Variants in MTHFD2L observed in about 807,000 individuals in gnomAD.
The protein encoded by MTHFD2L is methylenetetrahydrofolate dehydrogenase (NADP+ dependent) 2 like.
In MTHFD2L, 29 loss-of-function variants were observed where a neutral mutation model predicts 34.9. That is an observed-to-expected ratio of 0.83 (90% CI 0.62 to 1.13). MTHFD2L has a LOEUF of 1.13. MTHFD2L is among the 50% of genes most tolerant of loss of function. MTHFD2L has a pLI of 0.00. For missense variants in MTHFD2L, 481 were observed against 446.5 expected (o/e 1.08, Z -0.70); for synonymous variants, 167 against 155.7 (o/e 1.07, Z -0.54).
At chr4:74,286,834 G>A (rs1273313488) in intron 7 of MTHFD2L, among the ~76,000 whole-genome samples, 1 of 152,074 alleles carries the variant, frequency 6.6e-6, no homozygotes, top group Non-Finnish European at 1.5e-5. Flanking sequence ...TTCCAACTCT[G>A]ACAATGCCTT....
intron 5 of MTHFD2L, among the ~76,000 whole-genome samples, chr4:74,218,569 C>T (rs537763492): frequency 9.2e-5 from 14 of 151,900 alleles, no homozygotes; most frequent in Admixed American, 2.0e-4. Context: ...GGGAATGGCC[C>T]GGAAATGTCC....
At chr4:74,169,130 A>G (rs76913885) in intron 1 of MTHFD2L, among the ~76,000 whole-genome samples, 2,214 of 152,328 alleles carry the variant, frequency 0.015, 20 homozygotes, top group Middle Eastern at 0.044. Context: ...TAATTTACCC[A>G]TAAACACCAG....
chr4:74,281,279 A>T, intron 6 of MTHFD2L, 146 bp from the exon 7 acceptor site: 2 of 758,998 alleles, frequency 2.6e-6, no homozygotes, highest in Non-Finnish European at 2.0e-6. Flanking sequence ...CTCGGATCAG[A>T]AATCATCAAT....
chr4:74,281,404 A>C, intron 6 of MTHFD2L, 21 bp from the exon 7 acceptor site: 2 of 1,606,612 alleles, frequency 1.2e-6, no homozygotes, highest in Non-Finnish European at 1.7e-6. Flanking sequence ...CTGAAGGACA[A>C]ACAACTCTTT....
At chr4:74,289,522 C>T (rs1279263270) in intron 7 of MTHFD2L, among the ~76,000 whole-genome samples, 1 of 152,162 alleles carries the variant, frequency 6.6e-6, no homozygotes, top group Non-Finnish European at 1.5e-5. Context: ...AGTGGAAATC[C>T]ATTGGAGGAT....
intron 7 of MTHFD2L, among the ~76,000 whole-genome samples, chr4:74,299,651 C>A (rs1750048612): frequency 1.3e-5 from 2 of 151,990 alleles, no homozygotes; most frequent in African/African-American, 4.8e-5. Flanking sequence ...AAAGCACTGA[C>A]ACATTTCTGC....
At chr4:74,186,076 T>A (rs945043863) in intron 3 of MTHFD2L, among the ~76,000 whole-genome samples, 6 of 152,036 alleles carry the variant, frequency 3.9e-5, no homozygotes, top group African/African-American at 1.4e-4. Flanking sequence ...AATTTAACAT[T>A]AGAACAGTAA....
At chr4:74,253,945 T>G (rs962527479) in intron 6 of MTHFD2L, among the ~76,000 whole-genome samples, 2 of 152,160 alleles carry the variant, frequency 1.3e-5, no homozygotes, top group African/African-American at 4.8e-5. Flanking sequence ...GCACCAGATC[T>G]GCCTTGTGAA....
intron 1 of MTHFD2L, among the ~76,000 whole-genome samples, chr4:74,135,503 A>G (rs1166320198): frequency 2.0e-5 from 3 of 152,132 alleles, no homozygotes; most frequent in African/African-American, 7.2e-5. Context: ...AATCAAAGCC[A>G]TAATAAAAAG....
Position 74,302,312 on chromosome 4 carries a change from T to C in MTHFD2L, c.*503T>C, listed in dbSNP as rs1473366727. 1 of 152,120 alleles carries C rather than the reference T, an allele frequency of 6.6e-6. No homozygotes were observed. Among genetic ancestry groups the C allele is most frequent in the East Asian group, 1.9e-4 (1 of 5,198 alleles). 9.4% of individuals were successfully genotyped at this position (152,120 alleles called of 1,614,324 possible). The stretch of plus-strand genomic sequence containing the variant: ...ATTGAAAATATTGAAAATATTATTA[T>C]TGAAAATAAAATCTTGATCTCAACT... On this transcript the variant is annotated 3_prime_UTR_variant, in exon 8 of 8. Coordinates refer to ENST00000325278, the MANE Select transcript of MTHFD2L (RefSeq NM_001144978.3).
chr4:74,280,153 T>C lies in MTHFD2L; in HGVS notation c.806-1272T>C, dbSNP rs542020209. 5 of 152,068 alleles carry C rather than the reference T, an allele frequency of 3.3e-5. No homozygotes were observed. The South Asian group carries it at 1.0e-3, about 32-fold the overall frequency. The allele number at this position is 152,068 out of a possible 1,614,324, so 9.4% of individuals were successfully genotyped here. A position where few individuals can be genotyped will look rare whatever the true frequency, so the allele number is the denominator to read the frequency against. On this transcript the variant is annotated intron_variant, in intron 6 of 7. Coordinates refer to ENST00000325278, the MANE Select transcript of MTHFD2L (RefSeq NM_001144978.3). ...TAGAATAATAAAGATGATCACAGAGTCTTTGATTCTCCTCCCATTGAGAAG... is the reference window on the plus strand; with the variant it reads ...TAGAATAATAAAGATGATCACAGAGCCTTTGATTCTCCTCCCATTGAGAAG...
At chr4:74,130,469 A>T (rs770867739) in intron 1 of MTHFD2L, among the ~76,000 whole-genome samples, 2 of 152,224 alleles carry the variant, frequency 1.3e-5, no homozygotes, top group Non-Finnish European at 2.9e-5. Context: ...TCACATAAAC[A>T]GAACCAATGA....
Position 74,225,334 on chromosome 4 carries a change from AC to A in MTHFD2L, c.750del (p.Glu252SerfsTer3). On this transcript the variant is annotated frameshift_variant, in exon 6 of 8. Transcript: ENST00000325278. LOFTEE classifies it high-confidence loss of function. ...DATVTIAHRYTPKEQLKIHTQ... is the reference protein window; with the variant it reads ...DATVTIAHRYXPKEQLKIHTQ... ...AACTGTGACAATAGCTCACAGATAC[AC>A]CCCCAAAGAGCAACTGAAGATTCAT... 6.2e-7 allele frequency: 1 copy of A among 1,613,120 alleles called. No homozygotes were observed. Among genetic ancestry groups the A allele is most frequent in the East Asian group, 2.2e-5 (1 of 44,836 alleles).
At chr4:74,218,925 C>A (rs1737672339) in intron 5 of MTHFD2L, among the ~76,000 whole-genome samples, 1 of 151,896 alleles carries the variant, frequency 6.6e-6, no homozygotes, top group African/African-American at 2.4e-5. Flanking sequence ...GTGGGTTCCA[C>A]ATCTGTGGAT....
intron 4 of MTHFD2L, among the ~76,000 whole-genome samples, chr4:74,200,981 C>T (rs1434542434): frequency 6.6e-6 from 1 of 152,112 alleles, no homozygotes; most frequent in Non-Finnish European, 1.5e-5. Context: ...AAACTCTACT[C>T]TTCTAACTCT....
At chr4:74,219,146 G>A (rs947404379) in intron 5 of MTHFD2L, among the ~76,000 whole-genome samples, 6 of 151,962 alleles carry the variant, frequency 3.9e-5, no homozygotes, top group African/African-American at 1.4e-4. Flanking sequence ...TCAGAAACTC[G>A]AGCATTTGTG....
At chr4:74,154,763 C>T (rs2109866600), upstream of MTHFD2L, among the ~76,000 whole-genome samples, 1 of 152,180 alleles carries the variant, frequency 6.6e-6, no homozygotes, top group South Asian at 2.1e-4. Context: ...CATTAGAAAC[C>T]AATATCTGGG....
At chr4:74,225,684 A>G (rs1739038367) in intron 6 of MTHFD2L, among the ~76,000 whole-genome samples, 1 of 152,168 alleles carries the variant, frequency 6.6e-6, no homozygotes, top group South Asian at 2.1e-4. Context: ...GCATTTACGG[A>G]AAAAGGTTGG....
intron 6 of MTHFD2L, among the ~76,000 whole-genome samples, chr4:74,226,740 G>A (rs1423577429): frequency 6.6e-6 from 1 of 151,968 alleles, no homozygotes; most frequent in African/African-American, 2.4e-5. Flanking sequence ...AATAAATATT[G>A]GACCCTTCCT....
Sources: allele counts gnomAD v4.1 joint callset (sites outside exome capture counted in the v4.1 genomes callset), GRCh38; gene constraint gnomAD v4.1.1; transcripts MANE v1.5; gene names NCBI Gene and HGNC (gene_info 2026-07-23, HGNC 2026-07-21).